The following FRMD4A variants were observed in gnomAD, a reference collection of about 807,000 sequenced individuals.
The protein encoded by FRMD4A is FERM domain-containing protein 4A.
A neutral mutation model predicts 129.1 loss-of-function variants in FRMD4A; 29 were observed. The observed-to-expected ratio is 0.22, with a 90% CI of 0.17 to 0.31. The LOEUF (loss-of-function observed/expected upper bound fraction) is 0.31. Among genes scored for constraint, FRMD4A ranks in the 10% least tolerant of loss-of-function variants. The pLI, the probability that FRMD4A is intolerant of heterozygous loss-of-function variation, is 1.00. For synonymous variants in FRMD4A, 634 were observed against 571.6 expected, an observed-to-expected ratio of 1.11 and a Z score of -1.56; for missense variants, 1,272 against 1,375.8, an observed-to-expected ratio of 0.92 and a Z score of 1.19.
intron 2 of FRMD4A, among the ~76,000 whole-genome samples, chr10:14,141,766 T>A (rs1839847127): frequency 6.6e-6 from 1 of 152,150 alleles, no homozygotes; most frequent in Non-Finnish European, 1.5e-5. Flanking sequence ...CTCCAGCACT[T>A]CTCACCATGC....
intron 2 of FRMD4A, among the ~76,000 whole-genome samples, chr10:14,047,342 C>T (rs1565209905): frequency 6.6e-6 from 1 of 152,084 alleles, no homozygotes; most frequent in Non-Finnish European, 1.5e-5. Flanking sequence ...AGTGAATCTC[C>T]CAAACAGTAA....
At chr10:13,812,133 G>C (rs765422612) in intron 3 of FRMD4A, among the ~76,000 whole-genome samples, 1 of 152,116 alleles carries the variant, frequency 6.6e-6, no homozygotes, top group Non-Finnish European at 1.5e-5. Flanking sequence ...TGCCTGCCTC[G>C]GCCTCCCAGT....
At chr10:13,960,579 C>T (rs1464932899) in intron 2 of FRMD4A, among the ~76,000 whole-genome samples, 4 of 152,150 alleles carry the variant, frequency 2.6e-5, no homozygotes, top group Non-Finnish European at 5.9e-5. Context: ...ATTTGGACTC[C>T]GAAGGGGAAG....
chr10:13,823,873 C>T (rs1225048952), intron 3 of FRMD4A, among the ~76,000 whole-genome samples: 1 of 152,150 alleles, frequency 6.6e-6, no homozygotes, highest in African/African-American at 2.4e-5. Flanking sequence ...TGTCTGTCAA[C>T]CAAGAACACA....
intron 16 of FRMD4A, 73 bp from the exon 17 acceptor site, chr10:13,670,601 A>G (rs1436461883): frequency 3.5e-6 from 5 of 1,425,740 alleles, no homozygotes; most frequent in Non-Finnish European, 4.9e-6. Context: ...GAACACACAC[A>G]CACGCACATA....
At chr10:13,925,566 CTTTTTTTTT>C (rs66980805) in intron 2 of FRMD4A, among the ~76,000 whole-genome samples, 65 of 61,910 alleles carry the variant, frequency 1.0e-3, no homozygotes, top group African/African-American at 2.0e-3. Flanking sequence ...TAGTGAAACG[CTTTTTTTTT>C]TTTTTTTTTT....
intron 12 of FRMD4A, among the ~76,000 whole-genome samples, chr10:13,723,448 G>A (rs1018506494): frequency 2.6e-5 from 4 of 152,318 alleles, no homozygotes; most frequent in African/African-American, 9.6e-5. Context: ...CAGATGGGGG[G>A]AGAGAAAAGA....
intron 23 of FRMD4A, chr10:13,652,757 T>C (rs1253668202): frequency 6.6e-6 from 1 of 152,288 alleles, no homozygotes; most frequent in Non-Finnish European, 1.5e-5. Flanking sequence ...TGTCAAAACT[T>C]GAGTGTGGGT....
At chr10:14,252,974 G>C (rs1844490527) in intron 2 of FRMD4A, among the ~76,000 whole-genome samples, 1 of 151,994 alleles carries the variant, frequency 6.6e-6, no homozygotes, top group Middle Eastern at 3.2e-3. Context: ...TATCAGTGTA[G>C]ACTCATGGAC....
At chr10:13,890,569 A>T (rs146544538) in intron 2 of FRMD4A, 1 of 984,298 alleles carries the variant, frequency 1.0e-6, no homozygotes, top group African/African-American at 1.7e-5. Flanking sequence ...GTCACCACTG[A>T]CCAGCTCAGA....
chr10:13,783,637 G>C (rs754484611), intron 5 of FRMD4A, among the ~76,000 whole-genome samples: 3 of 152,086 alleles, frequency 2.0e-5, no homozygotes, highest in Non-Finnish European at 4.4e-5. Context: ...CGAAATGCTG[G>C]GGTAATAGAT....
chr10:13,692,164 T>TTTTTTTTTTTTTTTTTTTTTTTTC (rs2085767895), intron 15 of FRMD4A: 1 of 109,362 alleles, frequency 9.1e-6, no homozygotes, highest in African/African-American at 3.0e-5. Context: ...TTTTTTTTTT[T>TTTTTTTTTTTTTTTTTTTTTTTTC]TTGAGACAGA....
chr10:13,720,938 C>G (rs967009173), intron 12 of FRMD4A, among the ~76,000 whole-genome samples: 1 of 152,108 alleles, frequency 6.6e-6, no homozygotes, highest in Non-Finnish European at 1.5e-5. Flanking sequence ...AGGGATGAAC[C>G]CTGCAAACAT....
intron 2 of FRMD4A, among the ~76,000 whole-genome samples, chr10:14,172,031 AG>A (rs1329232588): frequency 6.6e-6 from 1 of 152,222 alleles, no homozygotes; most frequent in Non-Finnish European, 1.5e-5. Flanking sequence ...TTTAAAACCA[AG>A]CCTTGCCAAT....
At chr10:14,199,854 CATGA>C (rs1418658217) in intron 2 of FRMD4A, among the ~76,000 whole-genome samples, 1 of 140,244 alleles carries the variant, frequency 7.1e-6, no homozygotes, top group African/African-American at 2.5e-5. Context: ...TTAAGAAAGA[CATGA>C]ATAATTTTAA....
chr10:14,070,247 G>C (rs1835257787), intron 2 of FRMD4A, among the ~76,000 whole-genome samples: 1 of 151,874 alleles, frequency 6.6e-6, no homozygotes, highest in Non-Finnish European at 1.5e-5. Flanking sequence ...GTGTAATCCA[G>C]CACCTCCTCT....
At position 13,660,738 on chromosome 10, in the gene FRMD4A, A is replaced by G. The variant is rs576532653; in HGVS notation, c.1661-185T>C. Among the ~76,000 whole-genome samples, 50 of 152,304 alleles carry G rather than the reference A, an allele frequency of 3.3e-4. No homozygotes were observed. In the South Asian group the frequency reaches 0.01, roughly 32 times the overall value. ...AGACAAGTCAAGACGAGTCAAACCA[A>G]ACCAGGGCAAGCCAAACCTCCACTG... On this transcript the variant is annotated intron_variant, in intron 19 of 24. Coordinates refer to ENST00000357447, the MANE Select transcript of FRMD4A (RefSeq NM_018027.5).
chr10:14,305,854 T>A (rs934319691), intron 2 of FRMD4A, among the ~76,000 whole-genome samples: 3 of 152,208 alleles, frequency 2.0e-5, no homozygotes, highest in African/African-American at 7.2e-5. Context: ...GAAGTCATTA[T>A]CCTCAGCAAA....
In FRMD4A at chr10:14,039,932, T is replaced by C. The variant is rs562127833; in HGVS notation, c.46-181020A>G. Among the ~76,000 whole-genome samples the C allele has an allele frequency of 5.3e-5, 8 of 152,372 alleles. No homozygotes were observed. In the South Asian group the frequency reaches 1.7e-3, roughly 32 times the overall value. On this transcript the variant is annotated intron_variant, in intron 2 of 24. Transcript: ENST00000357447. ...GTCTCAGATATTTGGGGTTCATATA[T>C]GTATGTATGTGAGTATGTATGTATG...
Sources: gnomAD v4.1 joint callset for allele counts (sites outside exome capture counted in the v4.1 genomes callset) on GRCh38, gnomAD v4.1.1 for gene constraint, MANE v1.5 for transcripts, NCBI Gene and HGNC (gene_info 2026-07-23, HGNC 2026-07-21) for gene names.